DST: variants seen among roughly 807,000 people sequenced by gnomAD.
DST encodes the protein bullous pemphigoid antigen.
A neutral mutation model predicts 875.2 loss-of-function variants in DST; 253 were observed. The observed-to-expected ratio is 0.29, with a 90% CI of 0.26 to 0.32. The LOEUF (loss-of-function observed/expected upper bound fraction) is 0.32. Ranked by LOEUF, DST falls within the 10% of genes least tolerant of loss-of-function variation. The probability of loss-of-function intolerance (pLI) is 1.00; values close to 1 mark genes in which losing one functional copy is unlikely to be tolerated. For missense variants in DST, 8,287 were observed against 9,111.6 expected (o/e 0.91, Z 3.68); for synonymous variants, 3,124 against 3,197.1 (o/e 0.98, Z 0.77).
intron 4 of DST, among the ~76,000 whole-genome samples, chr6:56,811,969 GA>G (rs2099760461): frequency 6.6e-6 from 1 of 151,608 alleles, no homozygotes; most frequent in South Asian, 2.1e-4. Flanking sequence ...AGGCGTAGTG[GA>G]GCACACCTGT....
rs748687967 is a variant in DST at position 56,607,099 on chromosome 6, A to G, written c.7529T>C (p.Leu2510Ser). Reference sequence around the variant, plus strand: ...TTGAGGATTACTAGAAATCATATTTAAAGATTTCTGTCCATACTGCTCTCC... The same window carrying G: ...TTGAGGATTACTAGAAATCATATTTGAAGATTTCTGTCCATACTGCTCTCC... ...LPGEQYGQKS[L>S]NMISSNPQVQ... Residue 2510 changes from leucine (L) to serine (S), a missense_variant, in exon 40 of 104, where the codon TTA (leucine) becomes TCA (serine). Leu to Ser is a moderately radical substitution (Grantham distance 145). Transcript: ENST00000680361. 2 of 1,612,852 alleles carry G rather than the reference A, an allele frequency of 1.2e-6. No homozygotes were observed.
intron 2 of DST, among the ~76,000 whole-genome samples, chr6:56,936,072 G>T (rs993457805): frequency 2.0e-5 from 3 of 152,160 alleles, no homozygotes; most frequent in Admixed American, 6.5e-5. Context: ...AGTATTTCAT[G>T]AGTTATATGT....
In DST at chr6:56,824,089, G is replaced by A. The variant is rs528988243; in HGVS notation, c.625+27308C>T. The stretch of plus-strand genomic sequence containing the variant: ...AGCTGGACTGTACTGCTGCCATCTC[G>A]GCTCACTGCAACCTCCCTGCCTGAT... On this transcript the variant is annotated intron_variant, in intron 4 of 103. Coordinates refer to ENST00000680361, the MANE Select transcript of DST (RefSeq NM_001374736.1). Among the ~76,000 whole-genome samples the A allele has an allele frequency of 3.5e-3, 528 of 152,190 alleles. 4 individuals carry two copies. The highest frequency in any genetic ancestry group is 0.012 in the African/African-American group (511 of 41,530).
In DST at chr6:56,677,473, T is replaced by C. The variant is rs2099136724; in HGVS notation, c.1048-6666A>G. ...CTAGGACCACCACCATGTGCCACTATGTCTGGCTAATTCTTTTAAATTTTC... is the reference window on the plus strand; with the variant it reads ...CTAGGACCACCACCATGTGCCACTACGTCTGGCTAATTCTTTTAAATTTTC... On this transcript the variant is annotated intron_variant, in intron 9 of 103. Coordinates refer to ENST00000680361, the MANE Select transcript of DST (RefSeq NM_001374736.1). 3.3e-5 allele frequency among the ~76,000 whole-genome samples: 5 copies of C among 152,284 alleles called. No homozygotes were observed. The South Asian group carries it at 1.0e-3, about 32-fold the overall frequency.
intron 82 of DST, among the ~76,000 whole-genome samples, chr6:56,494,698 A>G (rs574472220): frequency 6.6e-6 from 1 of 152,116 alleles, no homozygotes; most frequent in African/African-American, 2.4e-5. Context: ...GAATTATAAG[A>G]ATCAAACTTG....
intron 4 of DST, among the ~76,000 whole-genome samples, chr6:56,811,183 CAAAAAAAAAAA>C (rs371256050): frequency 6.6e-4 from 22 of 33,356 alleles, no homozygotes; most frequent in Middle Eastern, 0.029. Context: ...GACCCTGTCT[CAAAAAAAAAAA>C]AAAAAAAAAA....
chr6:56,786,798 C>A (rs956332110), intron 4 of DST, among the ~76,000 whole-genome samples: 1 of 152,130 alleles, frequency 6.6e-6, no homozygotes, highest in Admixed American at 6.5e-5. Flanking sequence ...GCTGGGATTA[C>A]GTGGGAATCA....
chr6:56,559,297 C>G (rs2097493284), intron 58 of DST, among the ~76,000 whole-genome samples: 1 of 152,044 alleles, frequency 6.6e-6, no homozygotes, highest in Non-Finnish European at 1.5e-5. Context: ...ATACTCTCCC[C>G]AAGTAATTCT....
At chr6:56,788,021 C>T (rs1278322261) in intron 4 of DST, among the ~76,000 whole-genome samples, 6 of 145,606 alleles carry the variant, frequency 4.1e-5, no homozygotes, top group African/African-American at 7.7e-5. Flanking sequence ...CCTAGCTACT[C>T]GTGAGGCTGA....
chr6:56,851,674 C>G, intron 3 of DST, 70 bp from the exon 4 acceptor site: 1 of 1,557,946 alleles, frequency 6.4e-7, no homozygotes, highest in South Asian at 1.2e-5. Context: ...TTAAACATCT[C>G]CCCCACCAAC....
chr6:56,672,217 G>A (rs1232284542), intron 9 of DST, among the ~76,000 whole-genome samples: 1 of 152,170 alleles, frequency 6.6e-6, no homozygotes, highest in Non-Finnish European at 1.5e-5. Flanking sequence ...GAAAGCCCTT[G>A]CCAGGCCTCG....
intron 45 of DST, among the ~76,000 whole-genome samples, chr6:56,599,313 A>G (rs1055335803): frequency 4.6e-5 from 7 of 152,094 alleles, no homozygotes; most frequent in South Asian, 4.1e-4. Context: ...TTCATTCTCT[A>G]TATGATACTG....
intron 5 of DST, among the ~76,000 whole-genome samples, chr6:56,728,949 C>T (rs2099484018): frequency 6.6e-6 from 1 of 150,786 alleles, no homozygotes; most frequent in African/African-American, 2.4e-5. Context: ...ATAACTTACC[C>T]TCAAGTGGTT....
In DST at chr6:56,768,420, A is replaced by G. The variant is rs544725524; in HGVS notation, c.626-33131T>C. ...TTAGTAAAGTGATCTTTGACAAAAA[A>G]GAAAAAGCAATTCAACAGAGAATGG... On this transcript the variant is annotated intron_variant, in intron 4 of 103. Transcript: ENST00000680361. 2.5e-4 allele frequency among the ~76,000 whole-genome samples: 38 copies of G among 152,354 alleles called. No individual in the cohort carries two copies. In the East Asian group the frequency reaches 6.9e-3, roughly 28 times the overall value.
chr6:56,855,043 G>A (rs1232105772), intron 3 of DST, among the ~76,000 whole-genome samples: 1 of 152,092 alleles, frequency 6.6e-6, no homozygotes, highest in Non-Finnish European at 1.5e-5. Context: ...AGATAAAGCT[G>A]GCCTACGTCA....
intron 4 of DST, among the ~76,000 whole-genome samples, chr6:56,751,556 C>T (rs558747834): frequency 6.6e-6 from 1 of 152,084 alleles, no homozygotes; most frequent in Non-Finnish European, 1.5e-5. Context: ...CTGGTGTCAG[C>T]TTGAACATAC....
At chr6:56,536,721 C>T (rs2097008826) in intron 62 of DST, 58 bp downstream of exon 62, 1 of 1,434,770 alleles carries the variant, frequency 7.0e-7, no homozygotes, top group South Asian at 1.7e-5. Flanking sequence ...TCATGGTCAC[C>T]ACAAATGCTC....
At chr6:56,799,462 T>C (rs894084500) in intron 4 of DST, among the ~76,000 whole-genome samples, 2 of 151,984 alleles carry the variant, frequency 1.3e-5, no homozygotes, top group Non-Finnish European at 1.5e-5. Flanking sequence ...TTGCCACAGC[T>C]ACTCAAATCT....
intron 2 of DST, among the ~76,000 whole-genome samples, chr6:56,903,899 T>A (rs1664678918): frequency 6.6e-6 from 1 of 152,240 alleles, no homozygotes; most frequent in Non-Finnish European, 1.5e-5. Context: ...AAAATAACTA[T>A]TTATAAGCAC....
Sources: allele counts gnomAD v4.1 joint callset (sites outside exome capture counted in the v4.1 genomes callset), GRCh38; gene constraint gnomAD v4.1.1; transcripts MANE v1.5; gene names NCBI Gene and HGNC (gene_info 2026-07-23, HGNC 2026-07-21).